CHCHD6: variants seen among roughly 807,000 people sequenced by gnomAD.
The protein encoded by CHCHD6 is MICOS complex subunit MIC25.
In CHCHD6, 28 loss-of-function variants were observed where a neutral mutation model predicts 32.3. The ratio of observed to expected loss-of-function variants is 0.87; its 90% CI spans 0.64 to 1.19. The LOEUF (loss-of-function observed/expected upper bound fraction) is 1.19, where lower values mean the gene tolerates loss of function less well. Ranked by LOEUF, CHCHD6 falls within the 50% of genes most tolerant of loss-of-function variation. The pLI, the probability that CHCHD6 is intolerant of heterozygous loss-of-function variation, is 0.00. For synonymous variants in CHCHD6, 122 were observed against 117.5 expected, an observed-to-expected ratio of 1.04 and a Z score of -0.25; for missense variants, 333 against 307.0, an observed-to-expected ratio of 1.08 and a Z score of -0.63.
chr3:126,842,580 C>G (rs1444976702), intron 4 of CHCHD6, among the ~76,000 whole-genome samples: 1 of 152,142 alleles, frequency 6.6e-6, no homozygotes, highest in Non-Finnish European at 1.5e-5. Context: ...TAATCTGAAT[C>G]CTATTTTATT....
intron 4 of CHCHD6, chr3:126,767,106 C>T: frequency 7.1e-7 from 1 of 1,409,178 alleles, no homozygotes; most frequent in Non-Finnish European, 1.0e-6. Context: ...ATGAACTTCC[C>T]ATCCGAGTTG....
At chr3:126,813,914 T>C (rs1939766782) in intron 4 of CHCHD6, among the ~76,000 whole-genome samples, 1 of 152,204 alleles carries the variant, frequency 6.6e-6, no homozygotes, top group Admixed American at 6.5e-5. Flanking sequence ...CTAGGTCTTG[T>C]GTAGTTCTCA....
intron 4 of CHCHD6, among the ~76,000 whole-genome samples, chr3:126,740,695 G>A (rs1483245168): frequency 6.6e-6 from 1 of 152,216 alleles, no homozygotes; most frequent in Non-Finnish European, 1.5e-5. Flanking sequence ...CAGAGAACAA[G>A]GGTGGCAGGT....
intron 5 of CHCHD6, among the ~76,000 whole-genome samples, chr3:126,873,419 C>T (rs952789425): frequency 9.9e-5 from 15 of 152,148 alleles, no homozygotes; most frequent in Non-Finnish European, 2.9e-5. Context: ...GTGTTTTTGG[C>T]AGAGTAAGAG....
intron 4 of CHCHD6, among the ~76,000 whole-genome samples, chr3:126,793,131 C>G (rs911931210): frequency 6.6e-6 from 1 of 152,010 alleles, no homozygotes. Context: ...AATTTGCTTG[C>G]TAGCATATAA....
At chr3:126,722,496 C>T (rs1392150708) in intron 1 of CHCHD6, among the ~76,000 whole-genome samples, 1 of 152,112 alleles carries the variant, frequency 6.6e-6, no homozygotes, top group Non-Finnish European at 1.5e-5. Flanking sequence ...TAGCCATCCT[C>T]GTGGGTGTGA....
chr3:126,732,301 C>A (rs949992383), intron 3 of CHCHD6, among the ~76,000 whole-genome samples: 4 of 152,098 alleles, frequency 2.6e-5, no homozygotes, highest in Admixed American at 2.6e-4. Flanking sequence ...CCCCTCACCC[C>A]CCGTTTAGGG....
chr3:126,904,955 G>A (rs779198151), intron 5 of CHCHD6, among the ~76,000 whole-genome samples: 1 of 152,210 alleles, frequency 6.6e-6, no homozygotes, highest in Admixed American at 6.5e-5. Context: ...CTTGAGCTAG[G>A]ATGTGAGGTG....
intron 4 of CHCHD6, among the ~76,000 whole-genome samples, chr3:126,749,133 C>T (rs1936623107): frequency 1.3e-5 from 2 of 151,986 alleles, no homozygotes; most frequent in South Asian, 2.1e-4. Context: ...ATGCAGCTGC[C>T]AGCAAGAAGG....
chr3:126,726,216 T>G (rs910034640), intron 1 of CHCHD6, among the ~76,000 whole-genome samples: 10 of 152,148 alleles, frequency 6.6e-5, no homozygotes, highest in Non-Finnish European at 1.2e-4. Context: ...TTAATTGGCC[T>G]AATTTTGTTG....
At chr3:126,719,227 G>A (rs776362371) in intron 1 of CHCHD6, among the ~76,000 whole-genome samples, 43 of 152,130 alleles carry the variant, frequency 2.8e-4, no homozygotes, top group Non-Finnish European at 4.4e-4. Flanking sequence ...TGGGGCCCTC[G>A]GACATGCCAG....
chr3:126,931,107 C>G (rs2078398195), intron 6 of CHCHD6, among the ~76,000 whole-genome samples: 1 of 152,196 alleles, frequency 6.6e-6, no homozygotes, highest in Non-Finnish European at 1.5e-5. Context: ...CTTGGTGGAG[C>G]AGGGCGCCAA....
chr3:126,732,552 G>T (rs1935859099), intron 3 of CHCHD6, among the ~76,000 whole-genome samples: 1 of 152,108 alleles, frequency 6.6e-6, no homozygotes, highest in Non-Finnish European at 1.5e-5. Flanking sequence ...GGACATTTAG[G>T]TTGCTTGCAT....
rs553278710 is a variant in CHCHD6, at chr3:126,860,276, A to T, written c.495+7546A>T. On this transcript the variant is annotated intron_variant, in intron 5 of 7. Coordinates refer to ENST00000290913, the MANE Select transcript of CHCHD6 (RefSeq NM_032343.3). ...GGGAAGAGGCCCACCTTCCACCGTC[A>T]TGGGGAGCACTCTTTAACCTGCTGA... Among the ~76,000 whole-genome samples, 42 of 152,308 alleles carry T rather than the reference A, an allele frequency of 2.8e-4. No individual in the cohort carries two copies. In the South Asian group the frequency reaches 8.1e-3, roughly 29 times the overall value.
chr3:126,776,192 G>A lies in CHCHD6; in HGVS notation c.411+42970G>A, dbSNP rs1052093886. ...TAGTTTGAGCATCTTGCTACAGTGC[G>A]TTTTAGTGTGAACATTGTTTTTGGT... On this transcript the variant is annotated intron_variant, in intron 4 of 7. Coordinates refer to ENST00000290913, the MANE Select transcript of CHCHD6 (RefSeq NM_032343.3). Among the ~76,000 whole-genome samples the A allele has an allele frequency of 1.1e-4, 16 of 152,276 alleles. 1 individual carries two copies. Among genetic ancestry groups the A allele is most frequent in the Admixed American group, 3.9e-4 (6 of 15,304 alleles).
At chr3:126,723,660 A>T (rs1359200318) in intron 1 of CHCHD6, among the ~76,000 whole-genome samples, 1 of 152,070 alleles carries the variant, frequency 6.6e-6, no homozygotes, top group Non-Finnish European at 1.5e-5. Flanking sequence ...ATTCTATAGG[A>T]TGTATATGCC....
At chr3:126,705,321 T>C (rs1263694529) in intron 1 of CHCHD6, among the ~76,000 whole-genome samples, 1 of 152,250 alleles carries the variant, frequency 6.6e-6, no homozygotes, top group Non-Finnish European at 1.5e-5. Flanking sequence ...TTTTTGAGGC[T>C]AAGGTTCCTG....
chr3:126,704,430 G>A (rs931081405), intron 1 of CHCHD6, 31 bp downstream of exon 1: 36 of 1,424,648 alleles, frequency 2.5e-5, no homozygotes, highest in African/African-American at 1.4e-4. Flanking sequence ...CGGGGCGGGC[G>A]TGGAGGCCGC....
intron 4 of CHCHD6, among the ~76,000 whole-genome samples, chr3:126,751,041 C>T (rs999558398): frequency 1.3e-5 from 2 of 152,118 alleles, no homozygotes; most frequent in Non-Finnish European, 2.9e-5. Context: ...GGCTTCTCAT[C>T]TTTCTTGCTC....
Sources: allele counts gnomAD v4.1 joint callset (sites outside exome capture counted in the v4.1 genomes callset), GRCh38; gene constraint gnomAD v4.1.1; transcripts MANE v1.5; gene names NCBI Gene and HGNC (gene_info 2026-07-23, HGNC 2026-07-21).